NAV3: variants seen among roughly 807,000 people sequenced by gnomAD.
The protein encoded by NAV3 is neuron navigator 3.
NAV3 carries 87 observed loss-of-function variants against 244.7 expected under a neutral mutation model. That is an observed-to-expected ratio of 0.36 (90% CI 0.30 to 0.42). The LOEUF is 0.42. NAV3 is among the 20% of genes least tolerant of loss of function. The pLI, the probability that NAV3 is intolerant of heterozygous loss-of-function variation, is 1.00. For synonymous variants in NAV3, 1,126 were observed against 1,042.2 expected, an observed-to-expected ratio of 1.08 and a Z score of -1.55; for missense variants, 2,663 against 2,893.3, an observed-to-expected ratio of 0.92 and a Z score of 1.83.
chr12:78,115,610 A>C (rs888331556), intron 12 of NAV3, among the ~76,000 whole-genome samples: 4 of 152,226 alleles, frequency 2.6e-5, no homozygotes, highest in African/African-American at 9.6e-5. Flanking sequence ...ATGACACTTC[A>C]GTCATTTGGT....
intron 9 of NAV3, among the ~76,000 whole-genome samples, chr12:78,045,738 G>A (rs1012160518): frequency 6.6e-6 from 1 of 152,142 alleles, no homozygotes; most frequent in Non-Finnish European, 1.5e-5. Flanking sequence ...GGATGATGCT[G>A]GCCTCATAAA....
chr12:77,712,485 G>A (rs2137256878), intron 2 of NAV3, among the ~76,000 whole-genome samples: 2 of 152,232 alleles, frequency 1.3e-5, no homozygotes, highest in Non-Finnish European at 1.5e-5. Context: ...TAATGAGTTA[G>A]AGACCAAAGT....
Position 78,122,327 on chromosome 12 carries a change from C to G in NAV3, c.4137C>G (p.Pro1379=), listed in dbSNP as rs1955708836. 1 of 1,614,116 alleles carries G rather than the reference C, an allele frequency of 6.2e-7. No individual in the cohort carries two copies. Among genetic ancestry groups the G allele is most frequent in the Admixed American group, 1.7e-5 (1 of 60,024 alleles). Residue 1379 remains proline, a synonymous_variant, in exon 16 of 40, where the codon CCC becomes CCG. Coordinates refer to ENST00000397909, the MANE Select transcript of NAV3 (RefSeq NM_001024383.2). ...LHTSSESIDL[P]LSHHGSLSGL... is the part of the protein sequence containing the mutation. The stretch of plus-strand genomic sequence containing the variant: ...CGAGCTCTGAGTCCATTGACCTCCC[C>G]CTCAGCCATCATGGCTCCTTGTCTG...
At chr12:77,747,258 C>T (rs1277844501) in intron 2 of NAV3, among the ~76,000 whole-genome samples, 1 of 152,104 alleles carries the variant, frequency 6.6e-6, no homozygotes, top group African/African-American at 2.4e-5. Context: ...CTGTTCATAT[C>T]CTTCATCCAC....
intron 1 of NAV3, among the ~76,000 whole-genome samples, chr12:77,918,521 C>T (rs192467059): frequency 1.3e-5 from 2 of 152,126 alleles, no homozygotes; most frequent in East Asian, 3.9e-4. Flanking sequence ...AAGACAAAAA[C>T]CATTTATTCA....
intron 2 of NAV3, among the ~76,000 whole-genome samples, chr12:77,680,886 A>G (rs1483258972): frequency 1.3e-5 from 2 of 152,112 alleles, no homozygotes; most frequent in Non-Finnish European, 2.9e-5. Flanking sequence ...ACTCAATAGC[A>G]TTTTTTATCC....
At chr12:77,595,321 A>G (rs578118840) in intron 2 of NAV3, among the ~76,000 whole-genome samples, 1 of 152,322 alleles carries the variant, frequency 6.6e-6, no homozygotes, top group South Asian at 2.1e-4. Context: ...ATGATCTCAC[A>G]TATATGTGGA....
chr12:78,136,854 A>G (rs1429759641), intron 18 of NAV3, among the ~76,000 whole-genome samples: 6 of 152,176 alleles, frequency 3.9e-5, no homozygotes, highest in African/African-American at 9.7e-5. Flanking sequence ...AAAACTCTAG[A>G]AAGACCATCT....
chr12:77,937,093 A>G (rs973037066), intron 1 of NAV3, among the ~76,000 whole-genome samples: 1 of 152,172 alleles, frequency 6.6e-6, no homozygotes, highest in Non-Finnish European at 1.5e-5. Flanking sequence ...TCTTTTAAGT[A>G]TGGAAGACAC....
intron 39 of NAV3, 64 bp downstream of exon 39, chr12:78,205,202 T>G (rs1237879678): frequency 6.8e-7 from 1 of 1,472,602 alleles, no homozygotes; most frequent in African/African-American, 1.4e-5. Flanking sequence ...CATTAATATT[T>G]AGTTATTTCT....
At chr12:77,775,002 A>G (rs765338329) in intron 2 of NAV3, among the ~76,000 whole-genome samples, 18 of 152,170 alleles carry the variant, frequency 1.2e-4, no homozygotes, top group South Asian at 4.1e-4. Context: ...CTGTGAACAA[A>G]TGGCTGACTT....
At chr12:77,944,187 G>A (rs1296009790) in intron 3 of NAV3, among the ~76,000 whole-genome samples, 2 of 152,172 alleles carry the variant, frequency 1.3e-5, no homozygotes, top group African/African-American at 4.8e-5. Flanking sequence ...GTTGTTTGAA[G>A]GGAACAAGGA....
Position 77,978,131 on chromosome 12 carries a change from C to A in NAV3, c.671+9429C>A, listed in dbSNP as rs1868854050. Among the ~76,000 whole-genome samples, 5 of 151,992 alleles carry A rather than the reference C, an allele frequency of 3.3e-5. No individual in the cohort carries two copies. The South Asian group carries it at 1.0e-3, about 32-fold the overall frequency. On this transcript the variant is annotated intron_variant, in intron 5 of 39. Coordinates refer to ENST00000397909, the MANE Select transcript of NAV3 (RefSeq NM_001024383.2). Reference sequence around the variant, plus strand: ...TAAAAACGTCATAATTGTCTTTTATCTTTCCAAAAGAACTGTGAGAATATA... The same window carrying A: ...TAAAAACGTCATAATTGTCTTTTATATTTCCAAAAGAACTGTGAGAATATA...
At chr12:77,769,590 T>A (rs1305804935) in intron 2 of NAV3, among the ~76,000 whole-genome samples, 2 of 152,254 alleles carry the variant, frequency 1.3e-5, no homozygotes, top group Non-Finnish European at 2.9e-5. Flanking sequence ...TACAATTCTG[T>A]GTAACACAAG....
intron 38 of NAV3, among the ~76,000 whole-genome samples, chr12:78,203,773 A>G (rs559257710): frequency 2.6e-5 from 4 of 152,070 alleles, no homozygotes; most frequent in South Asian, 4.1e-4. Flanking sequence ...TTAAGGAAAA[A>G]GTGTCCCTAT....
chr12:78,115,644 T>C (rs1176495524), intron 12 of NAV3, among the ~76,000 whole-genome samples: 1 of 152,226 alleles, frequency 6.6e-6, no homozygotes, highest in Admixed American at 6.5e-5. Flanking sequence ...CATCTATTAC[T>C]GTGGTCCAAT....
intron 2 of NAV3, among the ~76,000 whole-genome samples, chr12:77,724,077 A>G (rs1261962859): frequency 6.6e-6 from 1 of 151,980 alleles, no homozygotes; most frequent in Non-Finnish European, 1.5e-5. Context: ...CTGTGTAAAT[A>G]AATGAGATAA....
intron 1 of NAV3, among the ~76,000 whole-genome samples, chr12:77,927,936 G>A (rs1037646020): frequency 6.6e-6 from 1 of 151,898 alleles, no homozygotes; most frequent in African/African-American, 2.4e-5. Flanking sequence ...GAAGGAAAAT[G>A]CTGGAAGTGC....
chr12:78,020,574 T>A (rs922112618), intron 8 of NAV3, among the ~76,000 whole-genome samples: 1 of 152,156 alleles, frequency 6.6e-6, no homozygotes, highest in Non-Finnish European at 1.5e-5. Context: ...AACACATATA[T>A]CAATACAGAC....
Sources: allele counts gnomAD v4.1 joint callset (sites outside exome capture counted in the v4.1 genomes callset), GRCh38; gene constraint gnomAD v4.1.1; transcripts MANE v1.5; gene names NCBI Gene and HGNC (gene_info 2026-07-23, HGNC 2026-07-21).